MFSD11: variants seen among roughly 807,000 people sequenced by gnomAD.
The protein encoded by MFSD11 is major facilitator superfamily domain containing 11.
Under a neutral mutation model 53.5 loss-of-function variants are expected in MFSD11, and 36 were observed. The observed-to-expected ratio is 0.67, with a 90% CI of 0.52 to 0.89. The LOEUF is 0.89. MFSD11 is among the 40% of genes least tolerant of loss of function. The pLI is 0.00. For synonymous variants in MFSD11, 186 were observed against 184.9 expected, an observed-to-expected ratio of 1.01 and a Z score of -0.05; for missense variants, 530 against 543.9, an observed-to-expected ratio of 0.97 and a Z score of 0.25.
chr17:76,741,039 A>G lies in MFSD11; in HGVS notation c.235A>G (p.Met79Val), dbSNP rs773251685. Residue 79 changes from methionine (M) to valine (V), a missense_variant, in exon 3 of 13, where the codon ATG becomes GTG. Physicochemically the swap from Met to Val is conservative, Grantham distance 21 (BLOSUM62 1). Transcript: ENST00000685175. ...VVAIVGPQLS[M>V]FASGLFYSMY... ...TGCCATTGTAGGACCTCAACTCTCT[A>G]TGTTTGCCAGTGGTTTATTTTACAG... is the stretch of plus-strand genomic sequence containing the variant. The G allele has an allele frequency of 2.5e-6, 4 of 1,609,446 alleles. No homozygotes were observed. The highest frequency in any genetic ancestry group is 2.2e-5 in the East Asian group (1 of 44,768).
At chr17:76,740,324 C>T (rs903415392) in intron 2 of MFSD11, among the ~76,000 whole-genome samples, 2 of 151,998 alleles carry the variant, frequency 1.3e-5, no homozygotes, top group Non-Finnish European at 1.5e-5. Context: ...ACACTTCGTA[C>T]AAGACATATG....
At chr17:76,774,224 C>G (rs1169353489) in intron 10 of MFSD11, among the ~76,000 whole-genome samples, 1 of 152,100 alleles carries the variant, frequency 6.6e-6, no homozygotes, top group Non-Finnish European at 1.5e-5. Context: ...CTGTACCTGG[C>G]CCACTTTTTA....
upstream of MFSD11, chr17:76,737,131 C>T (rs774991189): frequency 1.9e-5 from 31 of 1,596,228 alleles, no homozygotes; most frequent in Admixed American, 2.6e-4. Flanking sequence ...TCATACCCTC[C>T]ACATCGGGAG....
chr17:76,778,063 G>T lies in MFSD11; in HGVS notation c.1186-125G>T, dbSNP rs942682983. 5.9e-6 allele frequency: 5 copies of T among 848,912 alleles called. No homozygotes were observed. The East Asian group carries it at 1.2e-4, about 21-fold the overall frequency. 52.6% of individuals were successfully genotyped at this position (848,912 alleles called of 1,614,324 possible). ...ACTGAGGAAGTCATACCTTGATGCA[G>T]AAAGAATAGAAAGCACTGTGAGTTC... is the stretch of plus-strand genomic sequence containing the variant. On this transcript the variant is annotated intron_variant, in intron 12 of 12. Transcript: ENST00000685175.
At chr17:76,779,780 C>T (rs888220023), downstream of MFSD11, among the ~76,000 whole-genome samples, 16 of 152,124 alleles carry the variant, frequency 1.1e-4, no homozygotes, top group African/African-American at 1.4e-4. Context: ...CCACCATGCC[C>T]GGTCCTTTAA....
intron 8 of MFSD11, among the ~76,000 whole-genome samples, chr17:76,762,768 C>T (rs568567958): frequency 6.6e-6 from 1 of 151,620 alleles, no homozygotes; most frequent in Non-Finnish European, 1.5e-5. Context: ...TAATTGACAT[C>T]GTGGACTTCC....
At chr17:76,796,217 C>T in the MFSD11 span, among the ~76,000 whole-genome samples, 2 of 152,132 alleles carry the variant, frequency 1.3e-5, no homozygotes, top group South Asian at 4.1e-4. Context: ...CTATCCAAAT[C>T]CTATTCATCT....
chr17:76,767,367 TA>T lies in MFSD11; in HGVS notation c.683-16del, dbSNP rs1291868160. 3.3e-6 allele frequency: 5 copies of T among 1,533,908 alleles called. No individual in the cohort carries two copies. In the African/African-American group the frequency reaches 6.8e-5, roughly 21 times the overall value. On this transcript the variant is annotated intron_variant, in intron 8 of 12. Transcript: ENST00000685175. The stretch of plus-strand genomic sequence containing the variant: ...TAACTAAAATCTAATTAAGTACTCT[TA>T]AATTTTTGTGTTTACAGAAAAGTCT...
chr17:76,775,072 T>C lies in MFSD11; in HGVS notation c.950T>C (p.Val317Ala), dbSNP rs1280236988. The change falls in exon 11 of 13, where the codon GTG becomes GCG. Residue 317 changes from valine (V) to alanine (A), a missense_variant. Coordinates refer to ENST00000685175, the MANE Select transcript of MFSD11 (RefSeq NM_001242532.5). ...RNPVVLLGIL[V>A]HFIAFYLIFL... is the part of the protein sequence containing the mutation. ...CCAGTTGTGCTGTTGGGCATCCTGG[T>C]GCACTTCATAGCTTTTTATCTAATA... is the stretch of plus-strand genomic sequence containing the variant. 1.9e-6 allele frequency: 3 copies of C among 1,614,112 alleles called. No individual in the cohort carries two copies. The highest frequency in any genetic ancestry group is 2.5e-6 in the Non-Finnish European group (3 of 1,179,972).
At chr17:76,790,289 A>C in the MFSD11 span, among the ~76,000 whole-genome samples, 1 of 145,450 alleles carries the variant, frequency 6.9e-6, no homozygotes, top group African/African-American at 2.5e-5. Flanking sequence ...CTGGTCTCAA[A>C]TTCCTGACCT....
the MFSD11 span, among the ~76,000 whole-genome samples, chr17:76,794,353 T>C: frequency 6.6e-6 from 1 of 150,766 alleles, no homozygotes; most frequent in Non-Finnish European, 1.5e-5. Flanking sequence ...GGAGCGCACC[T>C]GTAATCCCAG....
At chr17:76,745,902 AC>A (rs2078501812) in intron 7 of MFSD11, among the ~76,000 whole-genome samples, 1 of 152,120 alleles carries the variant, frequency 6.6e-6, no homozygotes, top group Non-Finnish European at 1.5e-5. Flanking sequence ...ATCTCGGCTC[AC>A]TGCAGCCTCT....
chr17:76,793,333 A>G, the MFSD11 span, among the ~76,000 whole-genome samples: 1 of 151,426 alleles, frequency 6.6e-6, no homozygotes, highest in Non-Finnish European at 1.5e-5. Flanking sequence ...ATTCTCTTTC[A>G]GGGCTGTTCC....
chr17:76,751,523 T>C (rs1346453328), intron 7 of MFSD11, among the ~76,000 whole-genome samples: 1 of 151,540 alleles, frequency 6.6e-6, no homozygotes, highest in Non-Finnish European at 1.5e-5. Context: ...GAATACTGTC[T>C]CTGCAAAAAT....
chr17:76,755,967 G>T (rs1410711172), intron 8 of MFSD11, among the ~76,000 whole-genome samples: 1 of 149,774 alleles, frequency 6.7e-6, no homozygotes, highest in Non-Finnish European at 1.5e-5. Context: ...GGGATTACTG[G>T]CATGTGCCAC....
chr17:76,746,344 A>C (rs922079639), intron 7 of MFSD11, among the ~76,000 whole-genome samples: 1 of 152,240 alleles, frequency 6.6e-6, no homozygotes. Flanking sequence ...TCTCCATGAC[A>C]TAAAAGTGCA....
At chr17:76,768,470 A>G (rs2081074682) in intron 9 of MFSD11, among the ~76,000 whole-genome samples, 1 of 152,192 alleles carries the variant, frequency 6.6e-6, no homozygotes, top group African/African-American at 2.4e-5. Flanking sequence ...TGCCTCATAG[A>G]TACAACATAT....
At chr17:76,788,868 G>A in the MFSD11 span, among the ~76,000 whole-genome samples, 3 of 148,278 alleles carry the variant, frequency 2.0e-5, no homozygotes, top group South Asian at 2.2e-4. Context: ...AAGATCGGAC[G>A]TGGTGGCTCA....
At chr17:76,740,917 C>CTTTTTTTTT in intron 2 of MFSD11, 40 bp from the exon 3 acceptor site, 6 of 900,302 alleles carry the variant, frequency 6.7e-6, no homozygotes, top group Admixed American at 4.8e-5. Flanking sequence ...GGGCTTTGTT[C>CTTTTTTTTT]TTTTTTTTTT....
Sources: gnomAD v4.1 joint callset for allele counts (sites outside exome capture counted in the v4.1 genomes callset) on GRCh38, gnomAD v4.1.1 for gene constraint, MANE v1.5 for transcripts, NCBI Gene and HGNC (gene_info 2026-07-23, HGNC 2026-07-21) for gene names.